Variants in SHISA9 observed in about 807,000 individuals in gnomAD.
SHISA9 encodes the protein shisa family member 9.
A neutral mutation model predicts 38.0 loss-of-function variants in SHISA9; 13 were observed. That is an observed-to-expected ratio of 0.34 (90% CI 0.22 to 0.54). SHISA9 has a LOEUF of 0.54. Among genes scored for constraint, SHISA9 ranks in the 20% least tolerant of loss-of-function variants. The pLI, the probability that SHISA9 is intolerant of heterozygous loss-of-function variation, is 0.91. For missense variants in SHISA9, 538 were observed against 575.8 expected (o/e 0.93, Z 0.67); for synonymous variants, 275 against 242.0 (o/e 1.14, Z -1.27).
the SHISA9 span, among the ~76,000 whole-genome samples, chr16:13,493,334 G>C: frequency 6.6e-6 from 1 of 152,180 alleles, no homozygotes; most frequent in Non-Finnish European, 1.5e-5. Context: ...ATTTTTTACA[G>C]TGCCTTATTT....
intron 2 of SHISA9, among the ~76,000 whole-genome samples, chr16:13,182,048 C>G (rs1465332118): frequency 6.6e-6 from 1 of 152,116 alleles, no homozygotes; most frequent in Non-Finnish European, 1.5e-5. Context: ...TGACCAGAAG[C>G]TACATAGTGA....
the SHISA9 span, among the ~76,000 whole-genome samples, chr16:13,531,771 C>T: frequency 2.0e-5 from 3 of 151,966 alleles, no homozygotes; most frequent in South Asian, 4.2e-4. Context: ...AATGGTGGGG[C>T]GGTGTGGGGG....
At chr16:12,924,035 C>G (rs36043952) in intron 2 of SHISA9, among the ~76,000 whole-genome samples, 33,906 of 151,900 alleles carry the variant, frequency 0.22, 4,853 homozygotes, top group Non-Finnish European at 0.31. Context: ...AGCATCTTTT[C>G]TTAGTCCAAA....
At chr16:13,096,548 T>C (rs1016462677) in intron 2 of SHISA9, among the ~76,000 whole-genome samples, 1 of 152,060 alleles carries the variant, frequency 6.6e-6, no homozygotes, top group Non-Finnish European at 1.5e-5. Flanking sequence ...GTAGAGAAGA[T>C]GGGGAAGGTT....
intron 2 of SHISA9, among the ~76,000 whole-genome samples, chr16:13,121,221 G>A (rs1041750442): frequency 6.6e-6 from 1 of 152,074 alleles, no homozygotes; most frequent in Non-Finnish European, 1.5e-5. Context: ...GGGCATGGTG[G>A]CTCACGCCCG....
At chr16:12,924,722 G>A (rs1194485424) in intron 2 of SHISA9, among the ~76,000 whole-genome samples, 2 of 152,140 alleles carry the variant, frequency 1.3e-5, no homozygotes, top group African/African-American at 4.8e-5. Context: ...TTCTCTTGAG[G>A]TATGGTATTA....
chr16:13,222,979 G>A (rs1050417865), intron 4 of SHISA9, among the ~76,000 whole-genome samples: 6 of 152,118 alleles, frequency 3.9e-5, no homozygotes, highest in African/African-American at 1.4e-4. Context: ...TCCTCTACAC[G>A]ATTCTCTTCA....
chr16:13,558,475 A>C, the SHISA9 span, among the ~76,000 whole-genome samples: 3 of 152,208 alleles, frequency 2.0e-5, no homozygotes, highest in African/African-American at 7.2e-5. Flanking sequence ...GGGTTCCTGC[A>C]AGCCTCTGAC....
intron 2 of SHISA9, among the ~76,000 whole-genome samples, chr16:12,978,415 G>A (rs1378886198): frequency 6.6e-6 from 1 of 152,174 alleles, no homozygotes; most frequent in Non-Finnish European, 1.5e-5. Context: ...ACTGATGTCT[G>A]AATATTATTT....
the SHISA9 span, among the ~76,000 whole-genome samples, chr16:13,500,233 C>T: frequency 6.6e-6 from 1 of 152,116 alleles, no homozygotes; most frequent in African/African-American, 2.4e-5. Flanking sequence ...TCTCTCTTGC[C>T]GCCATGTGAG....
chr16:13,335,003 GTAACTTT>G, the SHISA9 span, among the ~76,000 whole-genome samples: 2 of 152,134 alleles, frequency 1.3e-5, no homozygotes, highest in Non-Finnish European at 2.9e-5. Context: ...TTTGGTTCTG[GTAACTTT>G]TCATGCTTCC....
intron 2 of SHISA9, among the ~76,000 whole-genome samples, chr16:12,960,340 T>C (rs2071892491): frequency 6.6e-6 from 1 of 152,204 alleles, no homozygotes; most frequent in Admixed American, 6.5e-5. Flanking sequence ...TGCAGGTTTG[T>C]TATGTGGGTA....
At chr16:13,112,370 G>T (rs2073987284) in intron 2 of SHISA9, among the ~76,000 whole-genome samples, 1 of 152,028 alleles carries the variant, frequency 6.6e-6, no homozygotes, top group Admixed American at 6.6e-5. Flanking sequence ...AAGAAGAAGG[G>T]AAAGAGGGAG....
intron 2 of SHISA9, among the ~76,000 whole-genome samples, chr16:13,046,459 T>C: frequency 6.6e-6 from 1 of 152,330 alleles, no homozygotes; most frequent in East Asian, 1.9e-4. Context: ...TATGGCTTTG[T>C]AGCATTAGTC....
chr16:13,097,455 C>A lies in SHISA9; in HGVS notation c.692-105939C>A, dbSNP rs77672147. ...TTTTTTGAGTGGGGTTTTGCTTTGC[C>A]CCTCAGGCTGGAGTACAATGATGCT... On this transcript the variant is annotated intron_variant, in intron 2 of 4. Transcript: ENST00000558583. 1.2e-4 allele frequency among the ~76,000 whole-genome samples: 18 copies of A among 151,998 alleles called. No homozygotes were observed. In the East Asian group the frequency reaches 3.5e-3, roughly 29 times the overall value.
At chr16:13,473,135 A>G in the SHISA9 span, among the ~76,000 whole-genome samples, 6 of 152,292 alleles carry the variant, frequency 3.9e-5, no homozygotes, top group African/African-American at 1.4e-4. Flanking sequence ...TATGGGGCAC[A>G]GTTAAATTAC....
intron 2 of SHISA9, among the ~76,000 whole-genome samples, chr16:12,975,419 G>A (rs1388440728): frequency 1.3e-5 from 2 of 151,928 alleles, no homozygotes; most frequent in Non-Finnish European, 2.9e-5. Context: ...CAGGAGAATC[G>A]CTTGAACCCA....
At chr16:13,448,382 C>T in the SHISA9 span, among the ~76,000 whole-genome samples, 1 of 152,192 alleles carries the variant, frequency 6.6e-6, no homozygotes, top group Non-Finnish European at 1.5e-5. Context: ...ATCATTATGC[C>T]TCTTAGCTGT....
chr16:13,367,827 A>G, the SHISA9 span, among the ~76,000 whole-genome samples: 2 of 151,832 alleles, frequency 1.3e-5, no homozygotes, highest in Non-Finnish European at 2.9e-5. Context: ...CTTCCAGGTC[A>G]TTAGCCTCCT....
Sources: gnomAD v4.1 joint callset for allele counts (sites outside exome capture counted in the v4.1 genomes callset) on GRCh38, gnomAD v4.1.1 for gene constraint, MANE v1.5 for transcripts, NCBI Gene and HGNC (gene_info 2026-07-23, HGNC 2026-07-21) for gene names.